SLC16A1: variants seen among roughly 807,000 people sequenced by gnomAD.
SLC16A1 encodes solute carrier family 16 member 1.
In SLC16A1, 11 loss-of-function variants were observed where a neutral mutation model predicts 32.2. The observed-to-expected ratio is 0.34, with a 90% CI of 0.21 to 0.56. The LOEUF is 0.56. Ranked by LOEUF, SLC16A1 falls within the 20% of genes least tolerant of loss-of-function variation. The probability of loss-of-function intolerance (pLI) is 0.87; values close to 1 mark genes in which losing one functional copy is unlikely to be tolerated. For missense variants in SLC16A1, 435 were observed against 615.0 expected, an observed-to-expected ratio of 0.71 and a Z score of 3.10; for synonymous variants, 231 against 226.8, an observed-to-expected ratio of 1.02 and a Z score of -0.17.
chr1:112,933,702 AT>A (rs1649212784), intron 1 of SLC16A1, among the ~76,000 whole-genome samples: 1 of 152,202 alleles, frequency 6.6e-6, no homozygotes, highest in South Asian at 2.1e-4. Context: ...TAAAATCACA[AT>A]CTAATACATA....
chr1:112,947,086 G>A (rs576092772), intron 1 of SLC16A1, among the ~76,000 whole-genome samples: 122 of 152,302 alleles, frequency 8.0e-4, no homozygotes, highest in Admixed American at 2.4e-3. Context: ...GAGATGTCAT[G>A]GAGAAAAGAA....
chr1:112,926,794 C>T (rs1056001832), intron 2 of SLC16A1, among the ~76,000 whole-genome samples: 3 of 151,800 alleles, frequency 2.0e-5, no homozygotes, highest in Non-Finnish European at 4.4e-5. Flanking sequence ...GGACCGATCA[C>T]CTGAGGCCAG....
At chr1:112,938,276 T>C (rs1649378869) in intron 1 of SLC16A1, among the ~76,000 whole-genome samples, 1 of 152,222 alleles carries the variant, frequency 6.6e-6, no homozygotes, top group Non-Finnish European at 1.5e-5. Context: ...GCTGATTTCC[T>C]GAAGCTATTG....
chr1:112,925,718 T>C (rs1648916767), intron 2 of SLC16A1, among the ~76,000 whole-genome samples: 1 of 152,194 alleles, frequency 6.6e-6, no homozygotes, highest in Non-Finnish European at 1.5e-5. Flanking sequence ...AATCTGTAAT[T>C]TGCCTTTTCC....
chr1:112,924,119 C>A (rs998295180), intron 2 of SLC16A1: 5 of 1,385,006 alleles, frequency 3.6e-6, no homozygotes, highest in South Asian at 1.2e-5. Flanking sequence ...CCGCGTATGG[C>A]GCCAGCGCCC....
intron 1 of SLC16A1, among the ~76,000 whole-genome samples, chr1:112,954,053 T>C (rs546665130): frequency 6.6e-6 from 1 of 152,360 alleles, no homozygotes; most frequent in Non-Finnish European, 1.5e-5. Flanking sequence ...TGGTGCCTGG[T>C]AGCCAATAAC....
intron 2 of SLC16A1, among the ~76,000 whole-genome samples, chr1:112,926,698 A>G (rs1426362726): frequency 6.6e-6 from 1 of 152,066 alleles, no homozygotes; most frequent in African/African-American, 2.4e-5. Flanking sequence ...ACATTGCAAC[A>G]ACCCATCTCT....
intron 1 of SLC16A1, among the ~76,000 whole-genome samples, chr1:112,950,041 C>T (rs1029072998): frequency 2.0e-5 from 3 of 152,222 alleles, no homozygotes; most frequent in Non-Finnish European, 4.4e-5. Context: ...TACATGATTT[C>T]TACTGGTGAC....
At chr1:112,914,316 T>G in intron 4 of SLC16A1, 151 bp from the exon 5 acceptor site, 3 of 790,586 alleles carry the variant, frequency 3.8e-6, no homozygotes, top group Non-Finnish European at 6.1e-6. Context: ...TTGCTGAAAA[T>G]TAGCTGATCC....
At chr1:112,922,908 T>C (rs1214018420) in intron 2 of SLC16A1, among the ~76,000 whole-genome samples, 3 of 152,086 alleles carry the variant, frequency 2.0e-5, no homozygotes, top group Non-Finnish European at 4.4e-5. Flanking sequence ...ATAAATGTGG[T>C]TTGTGGTGTT....
At chr1:112,924,625 T>A (rs908246490) in intron 2 of SLC16A1, among the ~76,000 whole-genome samples, 5 of 152,108 alleles carry the variant, frequency 3.3e-5, no homozygotes, top group Admixed American at 1.3e-4. Context: ...CAAAAATGCA[T>A]GATCATTTTT....
At chr1:112,923,975 C>CAAGTAT in intron 2 of SLC16A1, 1 of 1,469,354 alleles carries the variant, frequency 6.8e-7, no homozygotes, top group Non-Finnish European at 9.5e-7. Context: ...CTGGCAAGTA[C>CAAGTAT]AAGTATAAGG....
At position 112,928,054 on chromosome 1, in the gene SLC16A1, AC is replaced by A. The variant is rs1448359326; in HGVS notation, c.217+1037del. 2.6e-5 allele frequency among the ~76,000 whole-genome samples: 4 copies of A among 152,310 alleles called. No homozygotes were observed. The East Asian group carries it at 5.8e-4, about 22-fold the overall frequency. ...ATTTCTCTGAACTTATTAAAAAAAA[AC>A]ACTACAATTAAGCACTTAGGTTCTT... On this transcript the variant is annotated intron_variant, in intron 2 of 4. Transcript: ENST00000369626.
At chr1:112,939,057 T>C (rs534345310) in intron 1 of SLC16A1, among the ~76,000 whole-genome samples, 25 of 151,904 alleles carry the variant, frequency 1.6e-4, no homozygotes, top group Non-Finnish European at 2.5e-4. Context: ...TGCCCAGTTT[T>C]TTTTTTTTTA....
intron 1 of SLC16A1, among the ~76,000 whole-genome samples, chr1:112,929,609 G>A (rs1418837051): frequency 3.3e-5 from 5 of 152,116 alleles, no homozygotes; most frequent in Admixed American, 2.0e-4. Flanking sequence ...TACTCAGGAG[G>A]CTGAGGCAGG....
intron 1 of SLC16A1, among the ~76,000 whole-genome samples, chr1:112,942,982 T>C (rs899301214): frequency 2.0e-5 from 3 of 152,134 alleles, no homozygotes; most frequent in African/African-American, 7.2e-5. Flanking sequence ...ACTTATTTAA[T>C]CCTCTTTTGT....
chr1:112,951,267 G>A (rs1649881455), intron 1 of SLC16A1, among the ~76,000 whole-genome samples: 2 of 152,006 alleles, frequency 1.3e-5, no homozygotes, highest in African/African-American at 4.8e-5. Context: ...ATAACAAAAG[G>A]GACAAGAGAT....
rs1648375528 is a variant in SLC16A1, at chr1:112,912,953, C to G, written c.*938G>C. 6.6e-6 allele frequency: 1 copy of G among 152,080 alleles called. No individual in the cohort carries two copies. The highest frequency in any genetic ancestry group is 2.1e-4 in the South Asian group (1 of 4,832). 9.4% of individuals were successfully genotyped at this position (152,080 alleles called of 1,614,324 possible). On this transcript the variant is annotated 3_prime_UTR_variant, in exon 5 of 5. Transcript: ENST00000369626. ...AAATTCCAATAGCTTCACAGTTTAA[C>G]TGAGGTTTTGGAAAAACTTAAGTGA... is the stretch of plus-strand genomic sequence containing the variant.
At chr1:112,918,365 A>G (rs1273084713) in intron 3 of SLC16A1, among the ~76,000 whole-genome samples, 1 of 152,196 alleles carries the variant, frequency 6.6e-6, no homozygotes. Flanking sequence ...TAAGCACTTA[A>G]TACATGTTAT....
Sources: gnomAD v4.1 joint callset for allele counts (sites outside exome capture counted in the v4.1 genomes callset) on GRCh38, gnomAD v4.1.1 for gene constraint, MANE v1.5 for transcripts, NCBI Gene and HGNC (gene_info 2026-07-23, HGNC 2026-07-21) for gene names.